Variants in DCTN1 observed in about 807,000 individuals in gnomAD.
The protein encoded by DCTN1 is 150 kDa dynein-associated polypeptide.
Under a neutral mutation model 161.2 loss-of-function variants are expected in DCTN1, and 61 were observed. That is an observed-to-expected ratio of 0.38 (90% CI 0.31 to 0.47). The LOEUF is 0.47. Ranked by LOEUF, DCTN1 falls within the 20% of genes least tolerant of loss-of-function variation. The pLI, the probability that DCTN1 is intolerant of heterozygous loss-of-function variation, is 0.99. For synonymous variants in DCTN1, 653 were observed against 632.4 expected, an observed-to-expected ratio of 1.03 and a Z score of -0.49; for missense variants, 1,404 against 1,623.7, an observed-to-expected ratio of 0.86 and a Z score of 2.33.
intron 7 of DCTN1, 50 bp from the exon 8 acceptor site, chr2:74,371,778 T>TA: frequency 1.4e-6 from 2 of 1,458,716 alleles, no homozygotes; most frequent in Non-Finnish European, 1.9e-6. Context: ...AGGATAGGGG[T>TA]AGTAAGAGGA....
chr2:74,364,728 G>C (rs976128401), intron 26 of DCTN1: 1 of 383,678 alleles, frequency 2.6e-6, no homozygotes, highest in Admixed American at 3.7e-5. Context: ...GATGCCCCAG[G>C]AGAGTCAGCC....
chr2:74,391,655 C>T (rs1676006218), intron 1 of DCTN1: 2 of 369,826 alleles, frequency 5.4e-6, no homozygotes, highest in South Asian at 4.0e-5. Context: ...TCAGGCGGAG[C>T]CCCCGGACCC....
chr2:74,384,759 C>G (rs1675656911), upstream of DCTN1, among the ~76,000 whole-genome samples: 1 of 152,226 alleles, frequency 6.6e-6, no homozygotes, highest in Admixed American at 6.5e-5. Context: ...CCTTATCAAA[C>G]CTTGATCCTG....
At chr2:74,388,190 G>A (rs867011019) in intron 1 of DCTN1, among the ~76,000 whole-genome samples, 1 of 114,956 alleles carries the variant, frequency 8.7e-6, no homozygotes, top group Middle Eastern at 3.9e-3. Flanking sequence ...GAGCAAGACT[G>A]TATCTCAAAA....
chr2:74,376,873 G>A, intron 4 of DCTN1, 111 bp from the exon 5 acceptor site: 2 of 912,226 alleles, frequency 2.2e-6, no homozygotes, highest in East Asian at 2.6e-5. Context: ...GAGTCAGGGT[G>A]AGATGAGTAG....
chr2:74,374,319 G>T lies in DCTN1; in HGVS notation c.432+4C>A. 1 of 1,612,604 alleles carries T rather than the reference G, an allele frequency of 6.2e-7. No individual in the cohort carries two copies. Among genetic ancestry groups the T allele is most frequent in the Non-Finnish European group, 8.5e-7 (1 of 1,179,230 alleles). Reference sequence around the variant, plus strand: ...AGCAGCAGGACGAGAGCAAGCAAGAGTACCTTTCGGGCTGTCGGTGCCTGT... The same window carrying T: ...AGCAGCAGGACGAGAGCAAGCAAGATTACCTTTCGGGCTGTCGGTGCCTGT... On this transcript the variant is annotated splice_donor_region_variant and intron_variant, in intron 6 of 31. Coordinates refer to ENST00000628224, the MANE Select transcript of DCTN1 (RefSeq NM_004082.5).
chr2:74,363,716 C>T, intron 26 of DCTN1, 88 bp from the exon 27 acceptor site: 1 of 1,549,520 alleles, frequency 6.5e-7, no homozygotes. Context: ...CCAGAGGAAT[C>T]CTGGACACAA....
chr2:74,370,408 C>A lies in DCTN1; in HGVS notation c.1127+58G>T, dbSNP rs1056347106. ...GTGTCAGAGTCTCTGGCGATGGGTG[C>A]TCTAACACATTTGGAGACACAAGAG... On this transcript the variant is annotated intron_variant, in intron 11 of 31. Coordinates refer to ENST00000628224, the MANE Select transcript of DCTN1 (RefSeq NM_004082.5). The surrounding 1 kb of genome is among the most constrained non-coding windows in gnomAD (Gnocchi z 4.4). The A allele has an allele frequency of 2.2e-5, 36 of 1,613,892 alleles. No homozygotes were observed. Among genetic ancestry groups the A allele is most frequent in the Non-Finnish European group, 3.0e-5 (35 of 1,179,954 alleles).
intron 30 of DCTN1, 44 bp from the exon 31 acceptor site, chr2:74,362,185 C>G (rs765054823): frequency 1.9e-6 from 3 of 1,576,996 alleles, no homozygotes; most frequent in African/African-American, 2.7e-5. Context: ...TATGGGACCC[C>G]CACAGGCTAG....
intron 26 of DCTN1, chr2:74,364,867 A>G: frequency 1.6e-6 from 1 of 630,084 alleles, no homozygotes; most frequent in South Asian, 1.9e-5. Flanking sequence ...ACAATTTAGT[A>G]ATGCCCTCCT....
intron 1 of DCTN1, among the ~76,000 whole-genome samples, chr2:74,387,271 A>T (rs187714397): frequency 8.6e-5 from 13 of 151,774 alleles, no homozygotes; most frequent in Admixed American, 8.5e-4. Flanking sequence ...ATTCTCTCCT[A>T]CCCTTGCACG....
chr2:74,363,705 A>G, intron 26 of DCTN1, 77 bp from the exon 27 acceptor site: 1 of 1,584,990 alleles, frequency 6.3e-7, no homozygotes, highest in Non-Finnish European at 8.6e-7. Context: ...ACGGGGACAC[A>G]CCAGAGGAAT....
Position 74,369,446 on chromosome 2 carries a change from C to A in DCTN1, c.1438G>T (p.Glu480Ter). The change falls in exon 14 of 32, where the codon GAG becomes TAG. Residue 480 changes from glutamate (E) to a stop codon, truncating the protein, a stop_gained. Transcript: ENST00000628224. LOFTEE classifies it high-confidence loss of function. This position sits in a 1 kb window ranked among gnomAD's most constrained non-coding sequence, Gnocchi z 4.9. ...TGCTCCCGCAGCTCCAGTTCTGTCT[C>A]ACGTGCATTCTCCTGCAGCTCATCG... is the stretch of plus-strand genomic sequence containing the variant. ...MNDELQENAR[E>*]TELELREQLD... The A allele has an allele frequency of 6.2e-7, 1 of 1,614,200 alleles. No homozygotes were observed. Among genetic ancestry groups the A allele is most frequent in the African/African-American group, 1.3e-5 (1 of 75,068 alleles).
Position 74,388,867 on chromosome 2 carries a change from C to T in DCTN1, c.-19+2927G>A, listed in dbSNP as rs114772101. Among the ~76,000 whole-genome samples the T allele has an allele frequency of 3.4e-3, 520 of 152,274 alleles. 4 individuals carry two copies. The highest frequency in any genetic ancestry group is 0.012 in the African/African-American group (492 of 41,546). The stretch of plus-strand genomic sequence containing the variant: ...GAGTAGCTCCACTCTTGAAGACCAC[C>T]ACCACTGGGGAAATCACCACTTATG... On this transcript the variant is annotated intron_variant, in intron 1 of 27. Transcript: ENST00000409240.
intron 1 of DCTN1, among the ~76,000 whole-genome samples, chr2:74,390,918 A>G (rs776010990): frequency 6.6e-6 from 1 of 152,228 alleles, no homozygotes; most frequent in African/African-American, 2.4e-5. Context: ...ATAACAGTAT[A>G]TCCTAGTAAA....
chr2:74,384,050 A>C (rs2103755327), upstream of DCTN1, among the ~76,000 whole-genome samples: 1 of 152,346 alleles, frequency 6.6e-6, no homozygotes, highest in South Asian at 2.1e-4. Context: ...GGAGTTTTCA[A>C]GCATGAGAAA....
chr2:74,368,785 T>C lies in DCTN1; in HGVS notation c.1797A>G (p.Pro599=). 1.2e-6 allele frequency: 2 copies of C among 1,614,264 alleles called. No homozygotes were observed. Among genetic ancestry groups the C allele is most frequent in the Non-Finnish European group, 1.7e-6 (2 of 1,180,042 alleles). ...TAFMPDSFLR[P]GGDHDCVLVL... is the part of the protein sequence containing the mutation. Reference sequence around the variant, plus strand: ...CCAGAACGCAGTCATGGTCCCCACCTGGCCGAAGGAAGCTGTCAGGCATGA... The same window carrying C: ...CCAGAACGCAGTCATGGTCCCCACCCGGCCGAAGGAAGCTGTCAGGCATGA... Residue 599 remains proline (P), a synonymous_variant, in exon 16 of 32, where the codon CCA becomes CCG. Transcript: ENST00000628224.
At chr2:74,390,801 C>A (rs1056769251) in intron 1 of DCTN1, 1 of 232,740 alleles carries the variant, frequency 4.3e-6, no homozygotes, top group Admixed American at 4.5e-5. Context: ...GCCATTAAAA[C>A]TCAAAGCGCA....
chr2:74,380,094 T>G lies in DCTN1; in HGVS notation c.-57A>C. The stretch of plus-strand genomic sequence containing the variant: ...GCTGGCCAAAGACAGAGAGAAAAGG[T>G]AGAAACCTAGGCAGGAGGGTCAGGG... On this transcript the variant is annotated 5_prime_UTR_variant, in exon 1 of 32. Coordinates refer to ENST00000628224, the MANE Select transcript of DCTN1 (RefSeq NM_004082.5). 6.2e-7 allele frequency: 1 copy of G among 1,602,016 alleles called. No individual in the cohort carries two copies.
Sources: gnomAD v4.1 joint callset for allele counts (sites outside exome capture counted in the v4.1 genomes callset) on GRCh38, gnomAD v4.1.1 for gene constraint, Gnocchi (gnomAD v3.1) non-coding constraint, MANE v1.5 for transcripts, NCBI Gene and HGNC (gene_info 2026-07-23, HGNC 2026-07-21) for gene names.